The following TMPRSS6 variants were observed in gnomAD, a reference collection of about 807,000 sequenced individuals.
TMPRSS6 encodes transmembrane serine protease 6.
Under a neutral mutation model 101.5 loss-of-function variants are expected in TMPRSS6, and 67 were observed. That is an observed-to-expected ratio of 0.66 (90% CI 0.54 to 0.81). The LOEUF (loss-of-function observed/expected upper bound fraction) is 0.81, where lower values mean the gene tolerates loss of function less well. Ranked by LOEUF, TMPRSS6 falls within the 30% of genes least tolerant of loss-of-function variation. The probability of loss-of-function intolerance (pLI) is 0.00; values close to 1 mark genes in which losing one functional copy is unlikely to be tolerated. For missense variants in TMPRSS6, 1,034 were observed against 1,088.7 expected (o/e 0.95, Z 0.71); for synonymous variants, 453 against 464.9 (o/e 0.97, Z 0.33).
chr22:37,103,123 C>G lies in TMPRSS6; in HGVS notation c.202+93G>C. 7.3e-7 allele frequency: 1 copy of G among 1,368,344 alleles called. No individual in the cohort carries two copies. Among genetic ancestry groups the G allele is most frequent in the Non-Finnish European group, 1.0e-6 (1 of 970,752 alleles). The allele number at this position is 1,368,344 out of a possible 1,614,324, so 84.8% of individuals were successfully genotyped here. The stretch of plus-strand genomic sequence containing the variant: ...TCACACAGCAATATGCTAAGCACGG[C>G]TGAGCCTGGAACCCAGTCCTGTCCT... On this transcript the variant is annotated intron_variant, in intron 2 of 17. Coordinates refer to ENST00000676104, the MANE Select transcript of TMPRSS6 (RefSeq NM_001374504.1). This position sits in a 1 kb window ranked among gnomAD's most constrained non-coding sequence, Gnocchi z 4.4.
chr22:37,070,871 C>G lies in TMPRSS6; in HGVS notation c.1672+45G>C, dbSNP rs200558667. 7.0e-4 allele frequency: 1,102 copies of G among 1,578,012 alleles called. 1 individual carries two copies. Among genetic ancestry groups the G allele is most frequent in the Non-Finnish European group, 8.7e-4 (1,000 of 1,151,152 alleles). Reference sequence around the variant, plus strand: ...CTCCAGCTTCCTGCTGTGGGCACCCCCTCCCTCCCAAGCTCCAGGGCCCCG... The same window carrying G: ...CTCCAGCTTCCTGCTGTGGGCACCCGCTCCCTCCCAAGCTCCAGGGCCCCG... On this transcript the variant is annotated intron_variant, in intron 14 of 17. Transcript: ENST00000676104.
At position 37,098,400 on chromosome 22, in the gene TMPRSS6, C is replaced by A; in HGVS notation, c.336+16G>T. On this transcript the variant is annotated intron_variant, in intron 3 of 17. Transcript: ENST00000676104. The stretch of plus-strand genomic sequence containing the variant: ...CCCCATATTCCCTCCCTCTCATCCC[C>A]CAGATCCTTTCCTACCATCTTCTGG... 1 of 1,614,040 alleles carries A rather than the reference C, an allele frequency of 6.2e-7. No individual in the cohort carries two copies. The highest frequency in any genetic ancestry group is 1.6e-4 in the Middle Eastern group (1 of 6,062).
At chr22:37,083,930 T>G in intron 10 of TMPRSS6, 7 of 509,902 alleles carry the variant, frequency 1.4e-5, no homozygotes, top group Non-Finnish European at 2.4e-5. Context: ...GGCACCAAAG[T>G]GCCCATGAGT....
At chr22:37,079,720 G>C (rs953650513) in intron 10 of TMPRSS6, among the ~76,000 whole-genome samples, 2 of 152,232 alleles carry the variant, frequency 1.3e-5, no homozygotes, top group Non-Finnish European at 2.9e-5. Flanking sequence ...AGGGGTGATC[G>C]TATCTCCCTT....
rs1316113554 is a variant in TMPRSS6, at chr22:37,098,544, T to C, written c.208A>G (p.Lys70Glu). Reference protein sequence around the residue: ...GVLLWYFLGYKAEVMVSQVYS... With the variant: ...GVLLWYFLGYEAEVMVSQVYS... ...ACCTGGCTGACCATCACCTCCGCCT[T>C]GTACCCTGCCCAGGAAGGAACCAGC... is the stretch of plus-strand genomic sequence containing the variant. The change falls in exon 3 of 18, where the codon AAG becomes GAG. Residue 70 changes from lysine to glutamate, a missense_variant. Coordinates refer to ENST00000676104, the MANE Select transcript of TMPRSS6 (RefSeq NM_001374504.1). 6.2e-7 allele frequency: 1 copy of C among 1,614,148 alleles called. No individual in the cohort carries two copies. Among genetic ancestry groups the C allele is most frequent in the Admixed American group, 1.7e-5 (1 of 60,024 alleles).
Position 37,098,398 on chromosome 22 carries a change from C to A in TMPRSS6, c.336+18G>T, listed in dbSNP as rs1397459222. ...ACCCCCATATTCCCTCCCTCTCATC[C>A]CCCAGATCCTTTCCTACCATCTTCT... On this transcript the variant is annotated intron_variant, in intron 3 of 17. Transcript: ENST00000676104. The A allele has an allele frequency of 6.2e-7, 1 of 1,613,934 alleles. No homozygotes were observed. Among genetic ancestry groups the A allele is most frequent in the Non-Finnish European group, 8.5e-7 (1 of 1,179,976 alleles).
chr22:37,074,424 C>T (rs1048783225), intron 12 of TMPRSS6, among the ~76,000 whole-genome samples, 186 bp downstream of exon 12: 11 of 152,176 alleles, frequency 7.2e-5, no homozygotes, highest in African/African-American at 2.7e-4. Flanking sequence ...GAGGTGGTCT[C>T]GGGGAGGCTG....
intron 16 of TMPRSS6, among the ~76,000 whole-genome samples, chr22:37,067,255 G>A (rs1478460645): frequency 6.6e-6 from 1 of 152,140 alleles, no homozygotes; most frequent in Non-Finnish European, 1.5e-5. Context: ...CGGAACACCT[G>A]AGGTCAAGAG....
intron 6 of TMPRSS6, among the ~76,000 whole-genome samples, chr22:37,091,096 A>T (rs1030471455): frequency 6.6e-6 from 1 of 151,594 alleles, no homozygotes; most frequent in Non-Finnish European, 1.5e-5. Flanking sequence ...TCATTCATTC[A>T]TTCATTCATT....
intron 13 of TMPRSS6, among the ~76,000 whole-genome samples, chr22:37,072,240 TGG>T: frequency 7.7e-6 from 1 of 130,088 alleles, no homozygotes; most frequent in Non-Finnish European, 1.6e-5. Flanking sequence ...GGATGATGGA[TGG>T]ATGGATGATG....
rs2543508 is a variant in TMPRSS6 at position 37,096,225 on chromosome 22, G to A, written c.405-135C>T. The A allele has an allele frequency of 2.5e-4, 248 of 988,662 alleles. 5 individuals are homozygous for A. The African/African-American group carries it at 3.2e-3, about 13-fold the overall frequency. The allele number at this position is 988,662 out of a possible 1,614,324, so 61.2% of individuals were successfully genotyped here. On this transcript the variant is annotated intron_variant, in intron 4 of 17. Coordinates refer to ENST00000676104, the MANE Select transcript of TMPRSS6 (RefSeq NM_001374504.1). ...CGTCTTCACGCAGAAGCCTCCTAGCGACCTCTGAAGGAGGCGCTCTCATAA... is the reference window on the plus strand; with the variant it reads ...CGTCTTCACGCAGAAGCCTCCTAGCAACCTCTGAAGGAGGCGCTCTCATAA...
chr22:37,095,624 A>G (rs1929679853), intron 5 of TMPRSS6, 32 bp from the exon 6 acceptor site: 2 of 1,527,048 alleles, frequency 1.3e-6, no homozygotes, highest in African/African-American at 2.9e-5. Flanking sequence ...ACAAATAAAC[A>G]AGAACAAAAA....
At chr22:37,096,542 C>T in intron 4 of TMPRSS6, 106 bp downstream of exon 4, 1 of 1,269,190 alleles carries the variant, frequency 7.9e-7, no homozygotes, top group Non-Finnish European at 1.1e-6. Flanking sequence ...GCCTTAGTTT[C>T]CCCATTTGAA....
At chr22:37,086,933 A>G (rs1455082014) in intron 7 of TMPRSS6, among the ~76,000 whole-genome samples, 2 of 152,192 alleles carry the variant, frequency 1.3e-5, no homozygotes, top group Non-Finnish European at 2.9e-5. Context: ...GAGGCTCGGA[A>G]CAAATAACCG....
rs1428584654 is a variant in TMPRSS6 at position 37,069,495 on chromosome 22, G to T, written c.1842-151C>A. On this transcript the variant is annotated intron_variant, in intron 15 of 17. Transcript: ENST00000676104. The surrounding 1 kb of genome is among the most constrained non-coding windows in gnomAD (Gnocchi z 4.8). ...CCCTTCCCTCCCTGAAGGTCGCCTA[G>T]CTGGTGGTACAGCGTTCAGCCTTCA... 6.1e-6 allele frequency: 5 copies of T among 822,564 alleles called. No individual in the cohort carries two copies. Among genetic ancestry groups the T allele is most frequent in the Non-Finnish European group, 7.6e-6 (4 of 528,110 alleles). 51.0% of individuals were successfully genotyped at this position (822,564 alleles called of 1,614,324 possible).
chr22:37,078,427 G>A (rs898888865), intron 10 of TMPRSS6, among the ~76,000 whole-genome samples: 5 of 152,136 alleles, frequency 3.3e-5, no homozygotes, highest in African/African-American at 9.7e-5. Context: ...CCGTGTACCC[G>A]GGAACCTGTC....
chr22:37,072,071 T>G (rs1926984589), intron 13 of TMPRSS6, among the ~76,000 whole-genome samples: 1 of 142,372 alleles, frequency 7.0e-6, no homozygotes, highest in Non-Finnish European at 1.5e-5. Context: ...GATGGTTGGA[T>G]GGATGATGGA....
At chr22:37,108,637 AC>A (rs1930864135) in intron 1 of TMPRSS6, among the ~76,000 whole-genome samples, 1 of 151,538 alleles carries the variant, frequency 6.6e-6, no homozygotes, top group East Asian at 1.9e-4. Context: ...CTGCGTATGA[AC>A]TCCTACCATG....
In TMPRSS6 at chr22:37,070,510, T is replaced by C; in HGVS notation, c.1815A>G (p.Thr605=). 1 of 1,613,506 alleles carries C rather than the reference T, an allele frequency of 6.2e-7. No homozygotes were observed. Among genetic ancestry groups the C allele is most frequent in the Middle Eastern group, 1.6e-4 (1 of 6,062 alleles). Residue 605 remains threonine (T), a synonymous_variant, in exon 15 of 18, where the codon ACA becomes ACG. Transcript: ENST00000676104. ...TGTCCTCCTGGAAGCAGTGGGCAGC[T>C]GTTATCACCCAGCGGTCAGCGATGA... ...GALIADRWVI[T]AAHCFQEDSM... is the part of the protein sequence containing the mutation.
Sources: allele counts gnomAD v4.1 joint callset (sites outside exome capture counted in the v4.1 genomes callset), GRCh38; gene constraint gnomAD v4.1.1; non-coding constraint Gnocchi (gnomAD v3.1); transcripts MANE v1.5; gene names NCBI Gene and HGNC (gene_info 2026-07-23, HGNC 2026-07-21).